Variants in FARSB observed in about 807,000 individuals in gnomAD.
FARSB encodes the protein phenylalanine--tRNA ligase beta subunit.
FARSB carries 40 observed loss-of-function variants against 69.6 expected under a neutral mutation model. The ratio of observed to expected loss-of-function variants is 0.57; its 90% CI spans 0.45 to 0.75. The LOEUF is 0.75. FARSB is among the 30% of genes least tolerant of loss of function. FARSB has a pLI of 0.00. For synonymous variants in FARSB, 235 were observed against 247.2 expected, an observed-to-expected ratio of 0.95 and a Z score of 0.46; for missense variants, 632 against 722.9, an observed-to-expected ratio of 0.87 and a Z score of 1.44.
chr2:222,599,880 C>A, intron 16 of FARSB, 48 bp downstream of exon 16: 1 of 1,442,416 alleles, frequency 6.9e-7, no homozygotes, highest in Non-Finnish European at 9.2e-7. Context: ...AAGGTGTAGC[C>A]TCTTCCTGAC....
intron 16 of FARSB, among the ~76,000 whole-genome samples, chr2:222,574,160 C>CT (rs35731405): frequency 0.32 from 47,828 of 149,548 alleles, 7,700 homozygotes; most frequent in Middle Eastern, 0.47. Context: ...CGAATCAGCA[C>CT]TTTTTTTTTT....
At chr2:222,581,705 G>C (rs1299078717) in intron 16 of FARSB, among the ~76,000 whole-genome samples, 1 of 152,108 alleles carries the variant, frequency 6.6e-6, no homozygotes, top group Non-Finnish European at 1.5e-5. Flanking sequence ...TATCACGAAG[G>C]GTTGACAGCC....
intron 2 of FARSB, among the ~76,000 whole-genome samples, chr2:222,646,073 A>G (rs1334697433): frequency 6.6e-6 from 1 of 152,170 alleles, no homozygotes; most frequent in Admixed American, 6.5e-5. Context: ...GTCTAAAAAA[A>G]TGCCAATCTT....
At position 222,611,038 on chromosome 2, in the gene FARSB, A is replaced by G. The variant is rs189771048; in HGVS notation, c.1462+2773T>C. On this transcript the variant is annotated intron_variant, in intron 15 of 16. Coordinates refer to ENST00000281828, the MANE Select transcript of FARSB (RefSeq NM_005687.5). The stretch of plus-strand genomic sequence containing the variant: ...TTAGAATACTCCATCAGAGAAGCTC[A>G]TTTTGTTATGAAACAAAATCCAGGC... Among the ~76,000 whole-genome samples, 7 of 152,310 alleles carry G rather than the reference A, an allele frequency of 4.6e-5. No individual in the cohort carries two copies. The East Asian group carries it at 1.4e-3, about 29-fold the overall frequency.
chr2:222,614,941 A>C (rs1249476737), intron 14 of FARSB, among the ~76,000 whole-genome samples: 4 of 152,204 alleles, frequency 2.6e-5, no homozygotes, highest in Non-Finnish European at 4.4e-5. Flanking sequence ...AGGAAAACAG[A>C]ATACAAATAT....
chr2:222,609,691 G>C (rs990272978), intron 15 of FARSB, among the ~76,000 whole-genome samples: 3 of 152,190 alleles, frequency 2.0e-5, no homozygotes, highest in African/African-American at 7.2e-5. Context: ...TGCTCAAAAA[G>C]TGTGCCTGAT....
At chr2:222,650,915 G>C (rs1433696165) in intron 1 of FARSB, among the ~76,000 whole-genome samples, 1 of 152,200 alleles carries the variant, frequency 6.6e-6, no homozygotes, top group Non-Finnish European at 1.5e-5. Flanking sequence ...AGAGTAATTT[G>C]TTACGTAGCA....
intron 14 of FARSB, among the ~76,000 whole-genome samples, chr2:222,616,987 T>TAAGTGTGCTAAGCCACAGCTATTTATAG (rs776529918): frequency 9.4e-5 from 2 of 21,362 alleles, no homozygotes; most frequent in South Asian, 1.2e-3. Context: ...GATTGATTCT[T>TAAGTGTGCTAAGCCACAGCTATTTATAG]TTTTTTTTTT....
At chr2:222,580,334 G>T (rs1343010054) in intron 16 of FARSB, among the ~76,000 whole-genome samples, 1 of 151,924 alleles carries the variant, frequency 6.6e-6, no homozygotes, top group Admixed American at 6.6e-5. Flanking sequence ...TGTAAGCATA[G>T]AGTCTTTCTT....
rs547102577 is a variant in FARSB, at chr2:222,607,640, T to C, written c.1462+6171A>G. Reference sequence around the variant, plus strand: ...TTCTAAGAGTAGGACTAAGGAGAAGTTGGATATTAAAAAAAAAAAAATAAG... The same window carrying C: ...TTCTAAGAGTAGGACTAAGGAGAAGCTGGATATTAAAAAAAAAAAAATAAG... On this transcript the variant is annotated intron_variant, in intron 15 of 16. Coordinates refer to ENST00000281828, the MANE Select transcript of FARSB (RefSeq NM_005687.5). Among the ~76,000 whole-genome samples the C allele has an allele frequency of 4.0e-5, 6 of 151,696 alleles. No individual in the cohort carries two copies. In the East Asian group the frequency reaches 9.6e-4, roughly 24 times the overall value.
intron 1 of FARSB, among the ~76,000 whole-genome samples, chr2:222,651,873 AG>A (rs1430060975): frequency 1.4e-4 from 21 of 152,362 alleles, no homozygotes; most frequent in African/African-American, 4.6e-4. Context: ...CATGCTTTCT[AG>A]GGATCACTCA....
intron 1 of FARSB, among the ~76,000 whole-genome samples, chr2:222,654,652 G>A (rs991060536): frequency 6.6e-6 from 1 of 152,196 alleles, no homozygotes; most frequent in Non-Finnish European, 1.5e-5. Flanking sequence ...CAATACCCTT[G>A]TATTTCCTTT....
At chr2:222,600,259 T>C (rs892131601) in intron 15 of FARSB, among the ~76,000 whole-genome samples, 176 bp from the exon 16 acceptor site, 9 of 152,176 alleles carry the variant, frequency 5.9e-5, no homozygotes, top group Admixed American at 5.2e-4. Flanking sequence ...TTTCAGCTCA[T>C]CAAATTCCCT....
At chr2:222,644,353 A>G (rs980081861) in intron 2 of FARSB, among the ~76,000 whole-genome samples, 8 of 152,160 alleles carry the variant, frequency 5.3e-5, no homozygotes, top group Non-Finnish European at 1.0e-4. Context: ...TTTTATAATT[A>G]GGGAAAATGA....
intron 10 of FARSB, among the ~76,000 whole-genome samples, chr2:222,627,575 T>C (rs1251819525): frequency 2.6e-5 from 4 of 152,238 alleles, no homozygotes; most frequent in Non-Finnish European, 4.4e-5. Flanking sequence ...GGTTGTTGTT[T>C]TAAGCCACTA....
intron 1 of FARSB, among the ~76,000 whole-genome samples, chr2:222,653,722 C>G (rs1219565402): frequency 1.3e-5 from 2 of 151,746 alleles, no homozygotes; most frequent in Non-Finnish European, 2.9e-5. Flanking sequence ...CCTTGACCGC[C>G]TTGGTTTAAG....
At chr2:222,646,576 A>G (rs1325914988) in intron 2 of FARSB, among the ~76,000 whole-genome samples, 4 of 152,232 alleles carry the variant, frequency 2.6e-5, no homozygotes, top group Non-Finnish European at 5.9e-5. Context: ...CCTTAACATC[A>G]GCCAGTAATT....
chr2:222,590,113 C>T (rs1433066325), intron 16 of FARSB, among the ~76,000 whole-genome samples: 2 of 152,144 alleles, frequency 1.3e-5, no homozygotes, highest in African/African-American at 4.8e-5. Flanking sequence ...TTGGAACCAA[C>T]CCAAATGTCC....
At chr2:222,577,788 C>T (rs1689871871) in intron 16 of FARSB, among the ~76,000 whole-genome samples, 1 of 152,154 alleles carries the variant, frequency 6.6e-6, no homozygotes, top group South Asian at 2.1e-4. Flanking sequence ...TCATTTATTC[C>T]TGTGATTTTT....
Sources: gnomAD v4.1 joint callset for allele counts (sites outside exome capture counted in the v4.1 genomes callset) on GRCh38, gnomAD v4.1.1 for gene constraint, MANE v1.5 for transcripts, NCBI Gene and HGNC (gene_info 2026-07-23, HGNC 2026-07-21) for gene names.